Variants in TMEM132B observed in about 807,000 individuals in gnomAD.
TMEM132B encodes transmembrane protein 132B.
TMEM132B carries 18 observed loss-of-function variants against 90.8 expected under a neutral mutation model. That is an observed-to-expected ratio of 0.20 (90% CI 0.14 to 0.29). The LOEUF is 0.29. TMEM132B is among the 10% of genes least tolerant of loss of function. The pLI, the probability that TMEM132B is intolerant of heterozygous loss-of-function variation, is 1.00. For synonymous variants in TMEM132B, 504 were observed against 523.3 expected (o/e 0.96, Z 0.50); for missense variants, 1,096 against 1,326.8 (o/e 0.83, Z 2.70).
chr12:125,469,002 A>G (rs1361672251), intron 3 of TMEM132B, among the ~76,000 whole-genome samples: 3 of 152,236 alleles, frequency 2.0e-5, no homozygotes, highest in Admixed American at 6.5e-5. Context: ...TTTTCTACCT[A>G]TCAAATCATA....
chr12:125,313,530 C>A (rs1453113199), intron 1 of TMEM132B, among the ~76,000 whole-genome samples: 1 of 114,172 alleles, frequency 8.8e-6, no homozygotes, highest in Non-Finnish European at 1.9e-5. Flanking sequence ...TTTCCCACCC[C>A]CTCCCATTTC....
chr12:125,502,224 A>G (rs762986805), intron 3 of TMEM132B, among the ~76,000 whole-genome samples: 1 of 152,068 alleles, frequency 6.6e-6, no homozygotes, highest in Non-Finnish European at 1.5e-5. Flanking sequence ...TATCTAAATG[A>G]TCTCTCTCCC....
chr12:125,432,379 ATATATATATATATATATATG>A (rs1880538706), intron 3 of TMEM132B, among the ~76,000 whole-genome samples: 2 of 49,618 alleles, frequency 4.0e-5, no homozygotes, highest in African/African-American at 2.3e-4. Context: ...ATATATATAT[ATATATATATATATATATATG>A]TATGTATGTG....
intron 1 of TMEM132B, among the ~76,000 whole-genome samples, chr12:125,218,427 T>C (rs922437338): frequency 6.6e-6 from 1 of 152,168 alleles, no homozygotes; most frequent in African/African-American, 2.4e-5. Flanking sequence ...CCAGAGCTAT[T>C]TTTCTTTGCT....
chr12:125,404,571 GTTC>G (rs887066390), intron 2 of TMEM132B, among the ~76,000 whole-genome samples: 2 of 152,276 alleles, frequency 1.3e-5, no homozygotes, highest in Non-Finnish European at 2.9e-5. Flanking sequence ...TGTTCCAGGT[GTTC>G]TTCTAAGCAC....
intron 1 of TMEM132B, among the ~76,000 whole-genome samples, chr12:125,221,812 G>C (rs1435217965): frequency 2.6e-5 from 4 of 152,192 alleles, no homozygotes; most frequent in African/African-American, 9.6e-5. Context: ...ACTTGCGTGG[G>C]GCCTTGAAGG....
chr12:125,488,442 A>T (rs971379050), intron 3 of TMEM132B, among the ~76,000 whole-genome samples: 2 of 152,196 alleles, frequency 1.3e-5, no homozygotes, highest in South Asian at 2.1e-4. Flanking sequence ...GTGTCGTTTG[A>T]GGAACCTGGT....
chr12:125,411,390 G>A (rs1290501977), intron 2 of TMEM132B, among the ~76,000 whole-genome samples: 3 of 151,234 alleles, frequency 2.0e-5, no homozygotes, highest in African/African-American at 7.3e-5. Context: ...GGGAGGGAGA[G>A]CATTAGGAGA....
At chr12:125,390,714 T>C (rs1593118875) in intron 2 of TMEM132B, among the ~76,000 whole-genome samples, 1 of 152,224 alleles carries the variant, frequency 6.6e-6, no homozygotes, top group African/African-American at 2.4e-5. Flanking sequence ...CATGGTGAAC[T>C]GAGGCCAATA....
intron 1 of TMEM132B, among the ~76,000 whole-genome samples, chr12:125,264,994 A>G (rs962443495): frequency 2.0e-5 from 3 of 152,240 alleles, no homozygotes; most frequent in African/African-American, 7.2e-5. Flanking sequence ...CACAAAGTAT[A>G]TTTATACAGA....
Position 125,654,695 on chromosome 12 carries a change from G to T in TMEM132B, c.3237G>T (p.Leu1079=). Reference sequence around the variant, plus strand: ...ACTTTAGAGACTATATGGAAAGTCTGCAAGACCAGATGTAAACTCCTTTCT... The same window carrying T: ...ACTTTAGAGACTATATGGAAAGTCTTCAAGACCAGATGTAAACTCCTTTCT... ...SQDFRDYMES[L]QDQM The change falls in exon 9 of 9, where the codon CTG becomes CTT. Residue 1079 remains leucine (L), a synonymous_variant. Coordinates refer to ENST00000682704, the MANE Select transcript of TMEM132B (RefSeq NM_001366854.1). The surrounding 1 kb of genome is among the most constrained non-coding windows in gnomAD (Gnocchi z 5.8). 6.2e-7 allele frequency: 1 copy of T among 1,612,468 alleles called. No individual in the cohort carries two copies. The highest frequency in any genetic ancestry group is 1.1e-5 in the South Asian group (1 of 90,852).
At chr12:125,381,492 C>T (rs1456894222) in intron 2 of TMEM132B, among the ~76,000 whole-genome samples, 1 of 152,284 alleles carries the variant, frequency 6.6e-6, no homozygotes, top group East Asian at 1.9e-4. Flanking sequence ...TATCTATTGG[C>T]CTCCCTTCCC....
chr12:125,193,252 C>A (rs1872843842), intron 1 of TMEM132B, among the ~76,000 whole-genome samples: 1 of 152,174 alleles, frequency 6.6e-6, no homozygotes, highest in African/African-American at 2.4e-5. Context: ...GACACTGAGG[C>A]TCAGAGGAAC....
At chr12:125,423,279 C>T (rs436355) in intron 3 of TMEM132B, among the ~76,000 whole-genome samples, 147,201 of 152,280 alleles carry the variant, frequency 0.97, 71,348 homozygotes, top group East Asian at 1. Context: ...TACAGTCACA[C>T]TTGCCACTGG....
intron 5 of TMEM132B, among the ~76,000 whole-genome samples, chr12:125,620,054 G>T (rs1048778062): frequency 2.0e-5 from 3 of 152,140 alleles, no homozygotes; most frequent in Non-Finnish European, 4.4e-5. Flanking sequence ...CATCTTAATG[G>T]CATCTTCAAA....
intron 2 of TMEM132B, among the ~76,000 whole-genome samples, chr12:125,389,281 TTAGA>T: frequency 6.6e-6 from 1 of 152,158 alleles, no homozygotes; most frequent in East Asian, 1.9e-4. Context: ...GAAGAATATT[TTAGA>T]TGATGTGGGC....
chr12:125,436,149 C>T (rs1019260052), intron 3 of TMEM132B, among the ~76,000 whole-genome samples: 4 of 152,108 alleles, frequency 2.6e-5, no homozygotes, highest in Admixed American at 1.3e-4. Context: ...GTTTGGGCTC[C>T]GGAGTCCAAC....
rs866823556 is a variant in TMEM132B at position 125,490,031 on chromosome 12, G to T, written c.1107-29408G>T. 1.3e-5 allele frequency among the ~76,000 whole-genome samples: 2 copies of T among 152,138 alleles called. No homozygotes were observed. The highest frequency in any genetic ancestry group is 2.4e-5 in the African/African-American group (1 of 41,428). ...TATCAATTAAAAATAATTATCTATT[G>T]TTTAGCTACATAAATTCCACGTATG... is the stretch of plus-strand genomic sequence containing the variant. On this transcript the variant is annotated intron_variant, in intron 3 of 8. Transcript: ENST00000682704. This position sits in a 1 kb window ranked among gnomAD's most constrained non-coding sequence, Gnocchi z 4.2.
chr12:125,379,958 G>T (rs571638533), intron 2 of TMEM132B, among the ~76,000 whole-genome samples: 8 of 151,922 alleles, frequency 5.3e-5, no homozygotes, highest in Middle Eastern at 3.4e-3. Context: ...TTTTGCTCCT[G>T]TCTCTCTGAT....
Sources: gnomAD v4.1 joint callset for allele counts (sites outside exome capture counted in the v4.1 genomes callset) on GRCh38, gnomAD v4.1.1 for gene constraint, Gnocchi (gnomAD v3.1) non-coding constraint, MANE v1.5 for transcripts, NCBI Gene and HGNC (gene_info 2026-07-23, HGNC 2026-07-21) for gene names.